Variants in CATSPER2 observed in about 807,000 individuals in gnomAD.
CATSPER2 encodes cation channel sperm-associated protein 2.
Under a neutral mutation model 68.8 loss-of-function variants are expected in CATSPER2, and 56 were observed. The observed-to-expected ratio is 0.81, with a 90% CI of 0.66 to 1.02. The LOEUF is 1.02. Among genes scored for constraint, CATSPER2 ranks in the 50% least tolerant of loss-of-function variants. CATSPER2 has a pLI of 0.00. For synonymous variants in CATSPER2, 198 were observed against 229.9 expected (o/e 0.86, Z 1.26); for missense variants, 582 against 642.0 (o/e 0.91, Z 1.01).
intron 12 of CATSPER2, among the ~76,000 whole-genome samples, chr15:43,631,017 C>T (rs530421678): frequency 1.8e-4 from 28 of 152,150 alleles, no homozygotes; most frequent in African/African-American, 6.5e-4. Context: ...ATTTAGGCAA[C>T]ATTGTGAAGT....
chr15:43,646,958 C>A, intron 4 of CATSPER2, 92 bp downstream of exon 4: 2 of 1,077,364 alleles, frequency 1.9e-6, no homozygotes, highest in East Asian at 2.4e-5. Flanking sequence ...CTCCGGCAAT[C>A]CACACGCCCC....
intron 6 of CATSPER2, chr15:43,639,420 T>C: frequency 2.2e-6 from 1 of 459,492 alleles, no homozygotes; most frequent in South Asian, 2.7e-5. Flanking sequence ...ATTTTTTTTT[T>C]TTTTTTTTTT....
At chr15:43,631,121 AC>A (rs1269827979) in intron 12 of CATSPER2, among the ~76,000 whole-genome samples, 3 of 151,902 alleles carry the variant, frequency 2.0e-5, no homozygotes, top group Non-Finnish European at 4.4e-5. Flanking sequence ...ACACAAACAC[AC>A]AGTCCTCCTC....
intron 4 of CATSPER2, among the ~76,000 whole-genome samples, chr15:43,640,902 G>A (rs2086060599): frequency 6.6e-6 from 1 of 151,168 alleles, no homozygotes; most frequent in South Asian, 2.1e-4. Flanking sequence ...GAAAATACAG[G>A]GCCATGATAT....
chr15:43,629,020 T>C lies in CATSPER2; in HGVS notation c.*1681A>G, dbSNP rs544014158. ...TGTGACCCAAAGCTCAAAAATTTTG[T>C]TCATTGACTGAGAAAGGAGTCACCG... is the stretch of plus-strand genomic sequence containing the variant. On this transcript the variant is annotated 3_prime_UTR_variant, in exon 13 of 13. Transcript: ENST00000396879. 6.7e-6 allele frequency: 1 copy of C among 150,158 alleles called. No homozygotes were observed. Among genetic ancestry groups the C allele is most frequent in the Non-Finnish European group, 1.5e-5 (1 of 67,836 alleles). 9.3% of individuals were successfully genotyped at this position (150,158 alleles called of 1,614,324 possible). A position where few individuals can be genotyped will look rare whatever the true frequency, so the allele number is the denominator to read the frequency against.
chr15:43,630,777 T>C, intron 12 of CATSPER2, 45 bp from the exon 13 acceptor site: 3 of 1,611,954 alleles, frequency 1.9e-6, no homozygotes, highest in South Asian at 1.1e-5. Context: ...AAGAATATTC[T>C]ACATATATAA....
intron 7 of CATSPER2, among the ~76,000 whole-genome samples, chr15:43,636,515 C>A (rs772279096): frequency 6.6e-6 from 1 of 151,670 alleles, no homozygotes; most frequent in South Asian, 2.1e-4. Flanking sequence ...CTCAGCCTCC[C>A]GAGTAGCTGG....
intron 10 of CATSPER2, chr15:43,633,370 C>T (rs1567125890): frequency 4.4e-6 from 1 of 227,686 alleles, no homozygotes; most frequent in Non-Finnish European, 8.7e-6. Context: ...TTTCAAAGTC[C>T]CTACAATGGC....
chr15:43,641,620 C>A (rs1222315003), intron 4 of CATSPER2, among the ~76,000 whole-genome samples: 1 of 151,814 alleles, frequency 6.6e-6, no homozygotes, highest in African/African-American at 2.4e-5. Context: ...TGAATCCAGA[C>A]AAAAAGAACA....
Position 43,647,135 on chromosome 15 carries a change from A to C in CATSPER2, c.320-17T>G. ...AGAGAGGACCTGTTGTCTCTTAAGG[A>C]AATGTACAGAGTGGAGTTCTTTCTG... On this transcript the variant is annotated splice_polypyrimidine_tract_variant and intron_variant, in intron 3 of 12. Coordinates refer to ENST00000396879, the MANE Select transcript of CATSPER2 (RefSeq NM_172095.4). 6.2e-7 allele frequency: 1 copy of C among 1,605,374 alleles called. No homozygotes were observed. The highest frequency in any genetic ancestry group is 8.5e-7 in the Non-Finnish European group (1 of 1,172,120).
At chr15:43,643,823 G>A (rs1244917696) in intron 4 of CATSPER2, among the ~76,000 whole-genome samples, 3 of 151,790 alleles carry the variant, frequency 2.0e-5, no homozygotes, top group African/African-American at 4.8e-5. Context: ...CCACCTTTGG[G>A]AAAAAATTGT....
In CATSPER2 at chr15:43,630,553, C is replaced by T; in HGVS notation, c.*148G>A. On this transcript the variant is annotated 3_prime_UTR_variant, in exon 13 of 13. Coordinates refer to ENST00000396879, the MANE Select transcript of CATSPER2 (RefSeq NM_172095.4). ...TGTATTTTTAGTAGAGACAGGGTTT[C>T]ACCACGCCTGGCCTAGACACTTATA... 6.5e-7 allele frequency: 1 copy of T among 1,537,528 alleles called. No individual in the cohort carries two copies. Among genetic ancestry groups the T allele is most frequent in the African/African-American group, 1.4e-5 (1 of 72,708 alleles).
chr15:43,647,416 C>G lies in CATSPER2; in HGVS notation c.197G>C (p.Arg66Pro). ...TATACGCTGAGGCTTTATAGAGAAA[C>G]GCACTAGCTGGTGTTGATCTCCCAA... The part of the protein sequence containing the change: ...LVLGDQHQLV[R>P]FSIKPQRIEQ... The change falls in exon 3 of 13, where the codon CGT becomes CCT. Residue 66 changes from arginine (R) to proline (P), a missense_variant. Physicochemically the swap from Arg to Pro is moderately radical, Grantham distance 103. Around this residue, in one of 5 missense-constraint regions of CATSPER2, gnomAD observed 197 missense variants for 191.0 expected, o/e 1.03. Transcript: ENST00000396879. The G allele has an allele frequency of 1.2e-6, 2 of 1,613,580 alleles. No individual in the cohort carries two copies. The highest frequency in any genetic ancestry group is 2.2e-5 in the East Asian group (1 of 44,870).
At chr15:43,635,617 G>C in intron 9 of CATSPER2, 110 bp downstream of exon 9, 3 of 1,097,608 alleles carry the variant, frequency 2.7e-6, no homozygotes, top group East Asian at 5.0e-5. Flanking sequence ...TTATCCTTGG[G>C]GGCAAATCTA....
chr15:43,645,334 G>A (rs1460754564), intron 4 of CATSPER2, among the ~76,000 whole-genome samples: 2 of 151,850 alleles, frequency 1.3e-5, no homozygotes, highest in Non-Finnish European at 2.9e-5. Context: ...GGGATTACAG[G>A]CATGAACCAC....
chr15:43,646,905 C>T, intron 4 of CATSPER2, 145 bp downstream of exon 4: 1 of 721,156 alleles, frequency 1.4e-6, no homozygotes, highest in Admixed American at 2.0e-5. Context: ...TTAGTAGAGA[C>T]AGGGTTTCAC....
At chr15:43,648,182 C>T in intron 1 of CATSPER2, 119 bp from the exon 2 acceptor site, 2 of 1,173,516 alleles carry the variant, frequency 1.7e-6, no homozygotes, top group Non-Finnish European at 2.5e-6. Flanking sequence ...AATGTACCCA[C>T]ATCTACGAAC....
At chr15:43,636,631 T>C (rs1399989505) in intron 7 of CATSPER2, among the ~76,000 whole-genome samples, 1 of 151,628 alleles carries the variant, frequency 6.6e-6, no homozygotes, top group Non-Finnish European at 1.5e-5. Context: ...CCTAAGGTGA[T>C]CTGCCAGTCT....
rs1289312906 is a variant in CATSPER2, at chr15:43,648,802, C to T, written c.-176G>A. 6.5e-7 allele frequency: 1 copy of T among 1,531,742 alleles called. No homozygotes were observed. The highest frequency in any genetic ancestry group is 8.8e-7 in the Non-Finnish European group (1 of 1,142,816). 94.9% of individuals were successfully genotyped at this position (1,531,742 alleles called of 1,614,324 possible). On this transcript the variant is annotated 5_prime_UTR_variant, in exon 1 of 13. Coordinates refer to ENST00000396879, the MANE Select transcript of CATSPER2 (RefSeq NM_172095.4). ...CCAGGTTTCGGCTCACCCCGGGACC[C>T]GGCCCTAGCCCCTACCCACAGCCCA... is the stretch of plus-strand genomic sequence containing the variant.
Sources: allele counts gnomAD v4.1 joint callset (sites outside exome capture counted in the v4.1 genomes callset), GRCh38; gene constraint gnomAD v4.1.1; regional missense constraint gnomAD v4.1.1; transcripts MANE v1.5; gene names NCBI Gene and HGNC (gene_info 2026-07-23, HGNC 2026-07-21).